The following GRM8 variants were observed in gnomAD, a reference collection of about 807,000 sequenced individuals.
GRM8 encodes the protein glutamate metabotropic receptor 8, also known as metabotropic glutamate receptor 8.
Under a neutral mutation model 87.2 loss-of-function variants are expected in GRM8, and 47 were observed. That is an observed-to-expected ratio of 0.54 (90% CI 0.43 to 0.69). GRM8 has a LOEUF of 0.69. GRM8 is among the 30% of genes least tolerant of loss of function. The pLI, the probability that GRM8 is intolerant of heterozygous loss-of-function variation, is 0.00. For synonymous variants in GRM8, 396 were observed against 404.5 expected (o/e 0.98, Z 0.25); for missense variants, 1,019 against 1,139.2 (o/e 0.89, Z 1.52).
At chr7:127,004,460 T>C (rs769211567) in intron 3 of GRM8, among the ~76,000 whole-genome samples, 3 of 151,486 alleles carry the variant, frequency 2.0e-5, no homozygotes, top group African/African-American at 4.8e-5. Flanking sequence ...ATACAGAAGA[T>C]AGAAAAGATA....
At chr7:127,086,648 A>T (rs1030803820) in intron 3 of GRM8, among the ~76,000 whole-genome samples, 2 of 152,136 alleles carry the variant, frequency 1.3e-5, no homozygotes, top group African/African-American at 2.4e-5. Flanking sequence ...TGCATAGTTT[A>T]TGTGTGTATA....
chr7:126,835,934 T>C (rs990771328), intron 6 of GRM8, among the ~76,000 whole-genome samples: 4 of 152,178 alleles, frequency 2.6e-5, no homozygotes, highest in African/African-American at 9.7e-5. Context: ...CATCTAGATA[T>C]AGGCTGCTAA....
At chr7:126,708,322 T>C (rs1423493562) in intron 7 of GRM8, among the ~76,000 whole-genome samples, 1 of 151,228 alleles carries the variant, frequency 6.6e-6, no homozygotes, top group Non-Finnish European at 1.5e-5. Context: ...AGTAGGGAGG[T>C]TTCTCAAAAA....
intron 7 of GRM8, among the ~76,000 whole-genome samples, chr7:126,659,389 G>A (rs2151274824): frequency 6.6e-6 from 1 of 152,208 alleles, no homozygotes; most frequent in African/African-American, 2.4e-5. Context: ...CTCTGGAGTG[G>A]CTTTAGATTT....
At position 126,904,605 on chromosome 7, in the gene GRM8, A is replaced by C; in HGVS notation, c.806T>G (p.Leu269Arg). 1 of 1,613,792 alleles carries C rather than the reference A, an allele frequency of 6.2e-7. No individual in the cohort carries two copies. The highest frequency in any genetic ancestry group is 8.5e-7 in the Non-Finnish European group (1 of 1,179,724). ...PGEFEKIIKRLLETPNARAVI... is the reference protein window; with the variant it reads ...PGEFEKIIKRRLETPNARAVI... ...TGCTCGAGCATTAGGTGTTTCTAGC[A>C]GGCGTTTGATAATTTTTTCAAATTC... The change falls in exon 4 of 11, where the codon CTG becomes CGG. Residue 269 changes from leucine (L) to arginine (R), a missense_variant. By Grantham distance (102) the Leu-to-Arg change is moderately radical. Transcript: ENST00000339582.
intron 2 of GRM8, among the ~76,000 whole-genome samples, chr7:127,110,680 T>C (rs1235946770): frequency 6.6e-6 from 1 of 152,166 alleles, no homozygotes; most frequent in Non-Finnish European, 1.5e-5. Context: ...AAACGCTTTT[T>C]CTTCTCTCAC....
At chr7:127,085,825 T>A (rs1394286500) in intron 3 of GRM8, among the ~76,000 whole-genome samples, 8 of 152,176 alleles carry the variant, frequency 5.3e-5, no homozygotes, top group African/African-American at 1.9e-4. Flanking sequence ...CCCATTTGTC[T>A]ATTTTCACTT....
chr7:126,645,020 C>T (rs753632508), intron 7 of GRM8, among the ~76,000 whole-genome samples: 25 of 152,196 alleles, frequency 1.6e-4, no homozygotes, highest in Non-Finnish European at 2.5e-4. Flanking sequence ...TGGTCATTCC[C>T]GGGCATAGGC....
At chr7:126,965,592 C>T (rs985048595) in intron 3 of GRM8, among the ~76,000 whole-genome samples, 1 of 151,958 alleles carries the variant, frequency 6.6e-6, no homozygotes, top group Admixed American at 6.6e-5. Context: ...ACCCAAGATA[C>T]CTGAAATATC....
intron 8 of GRM8, among the ~76,000 whole-genome samples, chr7:126,568,752 T>G (rs1374661184): frequency 6.6e-6 from 1 of 152,130 alleles, no homozygotes; most frequent in African/African-American, 2.4e-5. Flanking sequence ...TCCATAAGAT[T>G]TTGATAATCT....
intron 3 of GRM8, among the ~76,000 whole-genome samples, chr7:127,040,606 A>G (rs1586828645): frequency 7.8e-3 from 1 of 128 alleles, no homozygotes; most frequent in South Asian, 0.17. Context: ...TTCCTTGTGA[A>G]AAAAAAAAAA....
At chr7:126,871,663 C>T (rs922561557) in intron 6 of GRM8, among the ~76,000 whole-genome samples, 2 of 152,148 alleles carry the variant, frequency 1.3e-5, no homozygotes, top group Non-Finnish European at 2.9e-5. Flanking sequence ...ACATAATGAA[C>T]AAATGAGTCA....
intron 3 of GRM8, among the ~76,000 whole-genome samples, chr7:127,090,729 C>T (rs1218750521): frequency 6.6e-6 from 1 of 152,154 alleles, no homozygotes; most frequent in Non-Finnish European, 1.5e-5. Flanking sequence ...CTGGCATGCC[C>T]CAGAACCCAG....
At chr7:127,220,335 A>G (rs1047920974) in intron 2 of GRM8, among the ~76,000 whole-genome samples, 2 of 152,264 alleles carry the variant, frequency 1.3e-5, no homozygotes, top group African/African-American at 4.8e-5. Flanking sequence ...TCAAGGAATT[A>G]TCTTAAAATA....
intron 2 of GRM8, among the ~76,000 whole-genome samples, chr7:127,198,581 T>C (rs1263547353): frequency 1.3e-5 from 2 of 152,112 alleles, no homozygotes; most frequent in South Asian, 2.1e-4. Context: ...TGTTTTGTGG[T>C]GGGTTTTTGT....
intron 7 of GRM8, among the ~76,000 whole-genome samples, chr7:126,615,209 G>A (rs1024069292): frequency 1.3e-5 from 2 of 152,096 alleles, no homozygotes; most frequent in South Asian, 2.1e-4. Context: ...AAGAGAGTGG[G>A]GGCCAATATT....
At chr7:126,559,655 A>G (rs1322886693) in intron 8 of GRM8, among the ~76,000 whole-genome samples, 1 of 152,234 alleles carries the variant, frequency 6.6e-6, no homozygotes, top group Non-Finnish European at 1.5e-5. Context: ...CTGGGAAAAA[A>G]GTGGTGGACA....
rs1307642225 is a variant in GRM8, at chr7:127,022,958, G to A, written c.727+83538C>T. On this transcript the variant is annotated intron_variant, in intron 3 of 10. Coordinates refer to ENST00000339582, the MANE Select transcript of GRM8 (RefSeq NM_000845.3). ...ATACCTAGCAAGATGCTCAATTGAC[G>A]GTAGTAACATAATAAATTAGAGTAG... is the stretch of plus-strand genomic sequence containing the variant. Among the ~76,000 whole-genome samples the A allele has an allele frequency of 4.6e-5, 7 of 152,078 alleles. No individual in the cohort carries two copies. The South Asian group carries it at 1.2e-3, about 27-fold the overall frequency.
At chr7:126,916,148 A>T (rs1681110155) in intron 3 of GRM8, among the ~76,000 whole-genome samples, 1 of 152,210 alleles carries the variant, frequency 6.6e-6, no homozygotes, top group Non-Finnish European at 1.5e-5. Context: ...TATGACAAAG[A>T]CAATATTGAA....
Sources: allele counts gnomAD v4.1 joint callset (sites outside exome capture counted in the v4.1 genomes callset), GRCh38; gene constraint gnomAD v4.1.1; transcripts MANE v1.5; gene names NCBI Gene and HGNC (gene_info 2026-07-23, HGNC 2026-07-21).